NCF4: variants seen among roughly 807,000 people sequenced by gnomAD.
NCF4 encodes neutrophil cytosolic factor 4, also known as neutrophil cytosol factor 4.
A neutral mutation model predicts 41.7 loss-of-function variants in NCF4; 30 were observed. That is an observed-to-expected ratio of 0.72 (90% CI 0.54 to 0.97). The LOEUF is 0.97. Among genes scored for constraint, NCF4 ranks in the 50% least tolerant of loss-of-function variants. The probability of loss-of-function intolerance (pLI) is 0.00; values close to 1 mark genes in which losing one functional copy is unlikely to be tolerated. For synonymous variants in NCF4, 195 were observed against 175.8 expected (o/e 1.11, Z -0.87); for missense variants, 432 against 460.9 (o/e 0.94, Z 0.57).
At chr22:36,861,242 T>G in intron 1 of NCF4, 39 bp downstream of exon 1, 1 of 1,549,986 alleles carries the variant, frequency 6.5e-7, no homozygotes, top group Non-Finnish European at 8.7e-7. Context: ...GCCTTCTCAC[T>G]GCTCCTCATA....
In NCF4 at chr22:36,876,096, T is replaced by C. The variant is rs965962266; in HGVS notation, c.824+2T>C. ...GAAAGACCTGCTGGAGCTCACAAGG[T>C]GAGGGGCTGGGAATGGGGCTGGGGA... On this transcript the variant is annotated splice_donor_variant, in intron 9 of 9. Coordinates refer to ENST00000248899, the MANE Select transcript of NCF4 (RefSeq NM_000631.5). LOFTEE classifies it high-confidence loss of function. The C allele has an allele frequency of 6.2e-7, 1 of 1,605,132 alleles. No individual in the cohort carries two copies.
At chr22:36,876,456 G>A (rs928779825) in intron 9 of NCF4, among the ~76,000 whole-genome samples, 2 of 152,182 alleles carry the variant, frequency 1.3e-5, no homozygotes, top group Admixed American at 6.5e-5. Flanking sequence ...AATGGTAACC[G>A]CATTGCTACA....
chr22:36,869,550 GC>G (rs1569113096), intron 4 of NCF4, among the ~76,000 whole-genome samples: 1 of 152,088 alleles, frequency 6.6e-6, no homozygotes, highest in East Asian at 1.9e-4. Flanking sequence ...TCATCCTGCT[GC>G]CCCCATGGGA....
chr22:36,877,901 C>G lies in NCF4; in HGVS notation c.*78C>G, dbSNP rs576231383. On this transcript the variant is annotated 3_prime_UTR_variant, in exon 10 of 10. Transcript: ENST00000248899. Reference sequence around the variant, plus strand: ...TCAGAGGAGATTGGGACCAGGAAAACCTGGGAGGATGGGCAGACTTCCTGT... The same window carrying G: ...TCAGAGGAGATTGGGACCAGGAAAAGCTGGGAGGATGGGCAGACTTCCTGT... 3 of 1,442,906 alleles carry G rather than the reference C, an allele frequency of 2.1e-6. No individual in the cohort carries two copies. In the Admixed American group the frequency reaches 6.0e-5, roughly 29 times the overall value. The allele number at this position is 1,442,906 out of a possible 1,614,324, so 89.4% of individuals were successfully genotyped here. A position where few individuals can be genotyped will look rare whatever the true frequency, so the allele number is the denominator to read the frequency against.
At chr22:36,876,173 T>C in intron 9 of NCF4, 79 bp downstream of exon 9, 1 of 1,356,644 alleles carries the variant, frequency 7.4e-7, no homozygotes, top group Non-Finnish European at 1.0e-6. Flanking sequence ...GCACTAGTAT[T>C]AAGGTGCTGG....
chr22:36,865,054 A>G lies in NCF4; in HGVS notation c.253A>G (p.Thr85Ala), dbSNP rs749822456. ...PDSKSSALAC[T>A]LPTLPAKVYV... ...CAGCAAGAGCAGTGCCCTGGCCTGTACCCTGCCCACACTCCCAGGTAGGCG... is the reference window on the plus strand; with the variant it reads ...CAGCAAGAGCAGTGCCCTGGCCTGTGCCCTGCCCACACTCCCAGGTAGGCG... The change falls in exon 3 of 10, where the codon ACC becomes GCC. Residue 85 changes from threonine to alanine, a missense_variant. Thr to Ala is a moderately conservative substitution (Grantham distance 58). Transcript: ENST00000248899. This position sits in a 1 kb window ranked among gnomAD's most constrained non-coding sequence, Gnocchi z 4.3. The G allele has an allele frequency of 1.2e-6, 2 of 1,611,810 alleles. No individual in the cohort carries two copies. The highest frequency in any genetic ancestry group is 1.1e-5 in the South Asian group (1 of 91,076).
At position 36,865,072 on chromosome 22, in the gene NCF4, G is replaced by C. The variant is rs773596460; in HGVS notation, c.271G>C (p.Ala91Pro). ...GGCCTGTACCCTGCCCACACTCCCA[G>C]GTAGGCGGCCACTCCCGTCCTGCTG... Reference protein sequence around the residue: ...ALACTLPTLPAKVYVGVKQEI... With the variant: ...ALACTLPTLPPKVYVGVKQEI... Residue 91 changes from alanine to proline, a missense_variant and splice_region_variant, in exon 3 of 10, where the codon GCC becomes CCC. Ala to Pro is a conservative substitution (Grantham distance 27, BLOSUM62 -1). Coordinates refer to ENST00000248899, the MANE Select transcript of NCF4 (RefSeq NM_000631.5). This position sits in a 1 kb window ranked among gnomAD's most constrained non-coding sequence, Gnocchi z 4.3. 2 of 1,609,672 alleles carry C rather than the reference G, an allele frequency of 1.2e-6. No homozygotes were observed. Among genetic ancestry groups the C allele is most frequent in the Non-Finnish European group, 1.7e-6 (2 of 1,179,970 alleles).
chr22:36,876,128 T>C lies in NCF4; in HGVS notation c.824+34T>C, dbSNP rs747319747. On this transcript the variant is annotated intron_variant, in intron 9 of 9. Coordinates refer to ENST00000248899, the MANE Select transcript of NCF4 (RefSeq NM_000631.5). ...CTGGGAATGGGGCTGGGGAGTTAGA[T>C]ACTCTGGAGAAGAGAGCGCAGGGAG... The C allele has an allele frequency of 3.8e-6, 6 of 1,563,132 alleles. No homozygotes were observed. In the East Asian group the frequency reaches 6.8e-5, roughly 18 times the overall value.
chr22:36,872,337 A>C lies in NCF4; in HGVS notation c.539A>C (p.Asp180Ala), dbSNP rs1601553436. 6.2e-7 allele frequency: 1 copy of C among 1,607,548 alleles called. No homozygotes were observed. Among genetic ancestry groups the C allele is most frequent in the Admixed American group, 1.7e-5 (1 of 60,016 alleles). The change falls in exon 7 of 10, where the codon GAC becomes GCC. Residue 180 changes from aspartate (D) to alanine (A), a missense_variant. Coordinates refer to ENST00000248899, the MANE Select transcript of NCF4 (RefSeq NM_000631.5). Reference protein sequence around the residue: ...MAAPRAEALFDFTGNSKLELN... With the variant: ...MAAPRAEALFAFTGNSKLELN... ...CACGCTTCTCCTCAGGCTCTATTTG[A>C]CTTCACTGGAAACAGCAAACTGGAG...
chr22:36,876,119 G>A (rs1162684362), intron 9 of NCF4, 25 bp downstream of exon 9: 5 of 1,582,248 alleles, frequency 3.2e-6, no homozygotes, highest in Admixed American at 1.7e-5. Context: ...ATGGGGCTGG[G>A]GAGTTAGATA....
At chr22:36,872,741 G>A (rs1242208461) in intron 7 of NCF4, among the ~76,000 whole-genome samples, 10 of 117,136 alleles carry the variant, frequency 8.5e-5, no homozygotes, top group Non-Finnish European at 7.3e-5. Flanking sequence ...TTGGAGATGA[G>A]ATTGGAGGTG....
intron 4 of NCF4, 36 bp downstream of exon 4, chr22:36,867,498 G>A (rs374980096): frequency 5.6e-5 from 90 of 1,609,528 alleles, no homozygotes; most frequent in Non-Finnish European, 7.3e-5. Context: ...CACGTGGAAG[G>A]GCATGCAGTA....
At position 36,864,099 on chromosome 22, in the gene NCF4, CGAG is replaced by C. The variant is rs770609723; in HGVS notation, c.91_93del (p.Glu31del). The C allele has an allele frequency of 6.2e-6, 10 of 1,614,042 alleles. No homozygotes were observed. Among genetic ancestry groups the C allele is most frequent in the East Asian group, 2.2e-5 (1 of 44,880 alleles). ...CCATCTCGGCCAACATTGCTGACAT[CGAG>C]GAGAAGAGAGGCTTCACCAGCCACT... On this transcript the variant is annotated inframe_deletion, in exon 2 of 10. Coordinates refer to ENST00000248899, the MANE Select transcript of NCF4 (RefSeq NM_000631.5).
At position 36,877,133 on chromosome 22, in the gene NCF4, TCTC is replaced by T. The variant is rs1451494615; in HGVS notation, c.825-492_825-490del. 2.0e-5 allele frequency among the ~76,000 whole-genome samples: 3 copies of T among 151,656 alleles called. No homozygotes were observed. In the East Asian group the frequency reaches 5.8e-4, roughly 29 times the overall value. On this transcript the variant is annotated intron_variant, in intron 9 of 9. Coordinates refer to ENST00000248899, the MANE Select transcript of NCF4 (RefSeq NM_000631.5). Reference sequence around the variant, plus strand: ...GCCACTAATTTCCGTGAAAGTCTCTTCTCCTTCTCCTTTTTTTTTTTGAGATGG... The same window carrying T: ...GCCACTAATTTCCGTGAAAGTCTCTTCTTCTCCTTTTTTTTTTTGAGATGG...
At chr22:36,875,322 G>A (rs774195188) in intron 7 of NCF4, among the ~76,000 whole-genome samples, 2 of 152,258 alleles carry the variant, frequency 1.3e-5, no homozygotes, top group Admixed American at 6.5e-5. Flanking sequence ...GAGCTACTGC[G>A]CCCGGCCCAA....
rs764332022 is a variant in NCF4, at chr22:36,877,648, A to G, written c.845A>G (p.Asp282Gly). 6.2e-7 allele frequency: 1 copy of G among 1,614,132 alleles called. No homozygotes were observed. Among genetic ancestry groups the G allele is most frequent in the South Asian group, 1.1e-5 (1 of 91,072 alleles). The change falls in exon 10 of 10, where the codon GAC becomes GGC. Residue 282 changes from aspartate to glycine, a missense_variant. Coordinates refer to ENST00000248899, the MANE Select transcript of NCF4 (RefSeq NM_000631.5). ...TGCAGGCGGGAGTTCCAGAGAGAGG[A>G]CATAGCTCTGAATTACCGGGACGCT... ...ELTRREFQRE[D>G]IALNYRDAEG...
In NCF4 at chr22:36,877,624, G is replaced by A; in HGVS notation, c.825-4G>A. 6.2e-7 allele frequency: 1 copy of A among 1,614,088 alleles called. No homozygotes were observed. Among genetic ancestry groups the A allele is most frequent in the South Asian group, 1.1e-5 (1 of 91,074 alleles). ...TTTGATTATCCCTGACTTTTCCCATGCAGGCGGGAGTTCCAGAGAGAGGAC... is the reference window on the plus strand; with the variant it reads ...TTTGATTATCCCTGACTTTTCCCATACAGGCGGGAGTTCCAGAGAGAGGAC... On this transcript the variant is annotated splice_region_variant and splice_polypyrimidine_tract_variant and intron_variant, in intron 9 of 9. Transcript: ENST00000248899.
Position 36,876,047 on chromosome 22 carries a change from A to T in NCF4, c.777A>T (p.Glu259Asp). 1 of 1,612,504 alleles carries T rather than the reference A, an allele frequency of 6.2e-7. No individual in the cohort carries two copies. Among genetic ancestry groups the T allele is most frequent in the Non-Finnish European group, 8.5e-7 (1 of 1,178,770 alleles). The change falls in exon 9 of 10, where the codon GAA becomes GAT. Residue 259 changes from glutamate (E) to aspartate (D), a missense_variant. Glu to Asp is a conservative substitution (Grantham distance 45). Coordinates refer to ENST00000248899, the MANE Select transcript of NCF4 (RefSeq NM_000631.5). Reference sequence around the variant, plus strand: ...CCCTTAGGGACATCGCGGTGGAGGAAGATCTCAGCAGCACTCCCCTATTGA... The same window carrying T: ...CCCTTAGGGACATCGCGGTGGAGGATGATCTCAGCAGCACTCCCCTATTGA... ...ISTIKDIAVEEDLSSTPLLKD... is the reference protein window; with the variant it reads ...ISTIKDIAVEDDLSSTPLLKD...
chr22:36,868,847 T>C (rs2145713262), intron 4 of NCF4, among the ~76,000 whole-genome samples: 1 of 152,204 alleles, frequency 6.6e-6, no homozygotes, highest in South Asian at 2.1e-4. Flanking sequence ...GGCCACCCCA[T>C]CCTGTGCTTG....
Sources: gnomAD v4.1 joint callset for allele counts (sites outside exome capture counted in the v4.1 genomes callset) on GRCh38, gnomAD v4.1.1 for gene constraint, Gnocchi (gnomAD v3.1) non-coding constraint, MANE v1.5 for transcripts, NCBI Gene and HGNC (gene_info 2026-07-23, HGNC 2026-07-21) for gene names.